The following FAM13A variants were observed in gnomAD, a reference collection of about 807,000 sequenced individuals.
The protein encoded by FAM13A is family with sequence similarity 13 member A, also known as protein FAM13A.
Under a neutral mutation model 129.6 loss-of-function variants are expected in FAM13A, and 76 were observed. The observed-to-expected ratio is 0.59, with a 90% CI of 0.49 to 0.71. The LOEUF is 0.71. Among genes scored for constraint, FAM13A ranks in the 30% least tolerant of loss-of-function variants. The pLI is 0.00. For synonymous variants in FAM13A, 443 were observed against 449.9 expected (o/e 0.98, Z 0.20); for missense variants, 1,108 against 1,249.3 (o/e 0.89, Z 1.70).
At chr4:88,814,338 G>A (rs530593805) in intron 7 of FAM13A, among the ~76,000 whole-genome samples, 3 of 152,262 alleles carry the variant, frequency 2.0e-5, no homozygotes, top group African/African-American at 7.2e-5. Context: ...TGAGGGTCAC[G>A]TAGGCATTTT....
At chr4:88,953,633 T>C (rs1757296098) in intron 4 of FAM13A, among the ~76,000 whole-genome samples, 1 of 152,194 alleles carries the variant, frequency 6.6e-6, no homozygotes, top group African/African-American at 2.4e-5. Flanking sequence ...AGCAACTTCC[T>C]CTTTCTCCCT....
At chr4:89,001,167 G>T (rs1050915094) in intron 3 of FAM13A, among the ~76,000 whole-genome samples, 2 of 152,202 alleles carry the variant, frequency 1.3e-5, no homozygotes, top group African/African-American at 4.8e-5. Context: ...AGAGGTCATG[G>T]GTGGTTATAG....
intron 14 of FAM13A, 85 bp downstream of exon 14, chr4:88,758,667 ACT>A (rs1378662073): frequency 3.1e-5 from 42 of 1,336,960 alleles, no homozygotes; most frequent in Non-Finnish European, 2.1e-6. Flanking sequence ...TTTCACCCAC[ACT>A]CTCACATAGT....
chr4:88,909,499 T>TA (rs1254502001), intron 5 of FAM13A, among the ~76,000 whole-genome samples: 1 of 152,024 alleles, frequency 6.6e-6, no homozygotes, highest in African/African-American at 2.4e-5. Context: ...TTTTATTTTT[T>TA]TTTTTTGAGA....
At chr4:88,887,262 C>T (rs1419522638) in intron 6 of FAM13A, among the ~76,000 whole-genome samples, 1 of 152,112 alleles carries the variant, frequency 6.6e-6, no homozygotes, top group Non-Finnish European at 1.5e-5. Context: ...CCAAACACCA[C>T]CTGTTCCCCC....
chr4:88,843,325 G>A (rs979279406), intron 7 of FAM13A, among the ~76,000 whole-genome samples: 1 of 152,188 alleles, frequency 6.6e-6, no homozygotes, highest in Non-Finnish European at 1.5e-5. Flanking sequence ...AGCTGCCCCC[G>A]CAGTCGGCTA....
intron 3 of FAM13A, among the ~76,000 whole-genome samples, chr4:88,997,596 C>CTGTATCACAAGA (rs1763728610): frequency 2.0e-5 from 3 of 152,060 alleles, no homozygotes; most frequent in Non-Finnish European, 2.9e-5. Context: ...AATGCTATAC[C>CTGTATCACAAGA]TGTATCACAA....
chr4:88,993,010 A>G (rs970649293), intron 3 of FAM13A, among the ~76,000 whole-genome samples: 1 of 152,222 alleles, frequency 6.6e-6, no homozygotes, highest in African/African-American at 2.4e-5. Context: ...TGCTACTGAC[A>G]GGAAGTGAAA....
rs1475103557 is a variant in FAM13A at position 88,739,027 on chromosome 4, C to G, written c.2562+3G>C. The G allele has an allele frequency of 6.2e-7, 1 of 1,604,292 alleles. No homozygotes were observed. Among genetic ancestry groups the G allele is most frequent in the Non-Finnish European group, 8.5e-7 (1 of 1,171,146 alleles). On this transcript the variant is annotated splice_donor_region_variant and intron_variant, in intron 20 of 23. Transcript: ENST00000264344. ...ACCAGCCACGGGAAGGTATTCTACT[C>G]ACAATGATGGGTATGGTGTTAGCTC...
intron 5 of FAM13A, among the ~76,000 whole-genome samples, chr4:88,924,436 A>C (rs1486980491): frequency 6.6e-6 from 1 of 152,228 alleles, no homozygotes. Context: ...CAAACCTGAC[A>C]AAAACAAGAA....
intron 3 of FAM13A, among the ~76,000 whole-genome samples, chr4:88,997,680 A>C (rs1347248965): frequency 6.6e-6 from 1 of 152,182 alleles, no homozygotes; most frequent in African/African-American, 2.4e-5. Context: ...TGGACTTTTC[A>C]ATGACCATGA....
At chr4:89,025,283 A>T (rs1447717769) in intron 2 of FAM13A, among the ~76,000 whole-genome samples, 2 of 74,422 alleles carry the variant, frequency 2.7e-5, no homozygotes, top group Non-Finnish European at 2.8e-5. Context: ...TTTGAGACGG[A>T]GTCTCGCTCT....
intron 3 of FAM13A, among the ~76,000 whole-genome samples, chr4:89,019,521 G>A (rs1766959190): frequency 6.6e-6 from 1 of 152,106 alleles, no homozygotes; most frequent in African/African-American, 2.4e-5. Context: ...AGCTCTTGGG[G>A]AAGCCAAGAT....
At chr4:88,872,851 A>G (rs967750644) in intron 6 of FAM13A, among the ~76,000 whole-genome samples, 1 of 152,204 alleles carries the variant, frequency 6.6e-6, no homozygotes, top group Non-Finnish European at 1.5e-5. Context: ...TCTCAGCACC[A>G]CATCACACAT....
chr4:88,880,761 T>A (rs1259628409), intron 6 of FAM13A, among the ~76,000 whole-genome samples: 1 of 14,572 alleles, frequency 6.9e-5, no homozygotes, highest in African/African-American at 3.3e-4. Flanking sequence ...CTCAGAGCTG[T>A]TGCGGGTGGT....
intron 4 of FAM13A, among the ~76,000 whole-genome samples, chr4:88,956,798 C>T (rs948571365): frequency 6.6e-6 from 1 of 152,140 alleles, no homozygotes; most frequent in Non-Finnish European, 1.5e-5. Context: ...CACAACACAC[C>T]TTCTTATCTG....
chr4:88,869,140 T>A (rs1740936730), intron 6 of FAM13A, among the ~76,000 whole-genome samples: 1 of 152,232 alleles, frequency 6.6e-6, no homozygotes, highest in African/African-American at 2.4e-5. Flanking sequence ...TACTTTGTCT[T>A]CATCCATTCC....
At chr4:88,973,544 G>T (rs1169731581) in intron 4 of FAM13A, among the ~76,000 whole-genome samples, 3 of 151,500 alleles carry the variant, frequency 2.0e-5, no homozygotes, top group Non-Finnish European at 2.9e-5. Flanking sequence ...AATCCCTTCT[G>T]TTCTTGCATT....
chr4:88,802,045 C>G (rs1727568453), intron 8 of FAM13A, among the ~76,000 whole-genome samples: 1 of 152,032 alleles, frequency 6.6e-6, no homozygotes, highest in Admixed American at 6.6e-5. Context: ...CAGAAGAACA[C>G]CACCACCAAG....
Sources: allele counts gnomAD v4.1 joint callset (sites outside exome capture counted in the v4.1 genomes callset), GRCh38; gene constraint gnomAD v4.1.1; transcripts MANE v1.5; gene names NCBI Gene and HGNC (gene_info 2026-07-23, HGNC 2026-07-21).